CSMD3: variants seen among roughly 807,000 people sequenced by gnomAD.
CSMD3 encodes CUB and sushi domain-containing protein 3.
In CSMD3, 177 loss-of-function variants were observed where a neutral mutation model predicts 435.2. That is an observed-to-expected ratio of 0.41 (90% confidence interval 0.36 to 0.46). The LOEUF (loss-of-function observed/expected upper bound fraction) is 0.46, where lower values mean the gene tolerates loss of function less well. Ranked by LOEUF, CSMD3 falls within the 20% of genes least tolerant of loss-of-function variation. The pLI, the probability that CSMD3 is intolerant of heterozygous loss-of-function variation, is 0.34. For missense variants in CSMD3, 4,265 were observed against 4,504.6 expected (o/e 0.95, Z 1.52); for synonymous variants, 1,656 against 1,520.5 (o/e 1.09, Z -2.07).
intron 4 of CSMD3, among the ~76,000 whole-genome samples, chr8:113,131,633 A>C (rs1484306009): frequency 6.6e-6 from 1 of 152,130 alleles, no homozygotes; most frequent in Non-Finnish European, 1.5e-5. Flanking sequence ...TCCGCTAGGA[A>C]AGTGCAGAAG....
At chr8:113,335,565 G>GTTTTGTTTTT (rs1263100966) in intron 1 of CSMD3, among the ~76,000 whole-genome samples, 1 of 98,126 alleles carries the variant, frequency 1.0e-5, no homozygotes, top group African/African-American at 4.5e-5. Context: ...TTTTTTTTGG[G>GTTTTGTTTTT]TATTTACATG....
chr8:112,810,523 CTGTT>C (rs920039323), intron 12 of CSMD3, among the ~76,000 whole-genome samples: 9 of 152,008 alleles, frequency 5.9e-5, no homozygotes, highest in Admixed American at 5.9e-4. Flanking sequence ...ATTTAATTGA[CTGTT>C]ATTATAATTA....
chr8:112,541,398 A>T (rs938939717), intron 27 of CSMD3, among the ~76,000 whole-genome samples: 1 of 151,856 alleles, frequency 6.6e-6, no homozygotes, highest in Non-Finnish European at 1.5e-5. Context: ...ATGAGATAAG[A>T]CTAAAATAAA....
chr8:112,243,835 C>A (rs1346084215), intron 65 of CSMD3, among the ~76,000 whole-genome samples: 1 of 152,018 alleles, frequency 6.6e-6, no homozygotes, highest in African/African-American at 2.4e-5. Flanking sequence ...ACCCCAAATA[C>A]AAGGACTGGT....
intron 4 of CSMD3, among the ~76,000 whole-genome samples, chr8:113,126,547 T>C (rs1200100077): frequency 2.6e-5 from 4 of 151,952 alleles, no homozygotes; most frequent in Admixed American, 2.6e-4. Flanking sequence ...ATGACATTAA[T>C]AAAGGCAATT....
chr8:113,068,170 T>C (rs2088945357), intron 5 of CSMD3, among the ~76,000 whole-genome samples: 1 of 152,174 alleles, frequency 6.6e-6, no homozygotes, highest in Non-Finnish European at 1.5e-5. Flanking sequence ...GCATTTTTAG[T>C]ATAATAATCT....
At position 112,485,975 on chromosome 8, in the gene CSMD3, T is replaced by C. The variant is rs1427449852; in HGVS notation, c.5278+6514A>G. Among the ~76,000 whole-genome samples, 8 of 150,942 alleles carry C rather than the reference T, an allele frequency of 5.3e-5. No homozygotes were observed. The East Asian group carries it at 1.6e-3, about 30-fold the overall frequency. On this transcript the variant is annotated intron_variant, in intron 31 of 70. Transcript: ENST00000297405. ...TTTTTTGCATAATCCAGATCTTATA[T>C]CAGCATATGTGAAACAAAGGTATTG...
At chr8:113,273,186 C>T (rs1788643268) in intron 3 of CSMD3, among the ~76,000 whole-genome samples, 1 of 151,564 alleles carries the variant, frequency 6.6e-6, no homozygotes, top group East Asian at 1.9e-4. Flanking sequence ...AAAACATTTT[C>T]TTGATTATTG....
At chr8:112,549,058 A>G (rs1033001279) in intron 27 of CSMD3, among the ~76,000 whole-genome samples, 3 of 152,100 alleles carry the variant, frequency 2.0e-5, no homozygotes, top group African/African-American at 7.2e-5. Flanking sequence ...GTAAAGTGTA[A>G]GTTGCATTTG....
rs565768478 is a variant in CSMD3, at chr8:112,536,950, G to A, written c.4564+13721C>T. ...AACCAAACACCGCATATTCTCACTC[G>A]TAGGTGGGAATTGAACAATGAGAAC... On this transcript the variant is annotated intron_variant, in intron 27 of 70. Transcript: ENST00000297405. 2.1e-3 allele frequency among the ~76,000 whole-genome samples: 317 copies of A among 151,832 alleles called. 3 individuals carry two copies. The highest frequency in any genetic ancestry group is 1.4e-3 in the Non-Finnish European group (95 of 67,936).
chr8:112,764,286 C>T (rs1235571518), intron 13 of CSMD3, among the ~76,000 whole-genome samples: 3 of 151,228 alleles, frequency 2.0e-5, no homozygotes, highest in Non-Finnish European at 4.4e-5. Flanking sequence ...TTAAAAACTT[C>T]TTGTTTCTGA....
At chr8:112,827,164 A>AATATATATATATATATATAT (rs3047126) in intron 12 of CSMD3, among the ~76,000 whole-genome samples, 17 of 82,820 alleles carry the variant, frequency 2.1e-4, no homozygotes, top group Non-Finnish European at 3.1e-4. Flanking sequence ...GGTTACCATA[A>AATATATATATATATATATAT]ATATATATAT....
At chr8:113,131,912 C>T (rs563268212) in intron 4 of CSMD3, among the ~76,000 whole-genome samples, 1 of 152,298 alleles carries the variant, frequency 6.6e-6, no homozygotes, top group Admixed American at 6.5e-5. Context: ...TCAGGCTGGT[C>T]TCAAATTCCT....
At chr8:112,497,279 G>A (rs992616961) in intron 30 of CSMD3, among the ~76,000 whole-genome samples, 17 of 151,752 alleles carry the variant, frequency 1.1e-4, no homozygotes, top group Non-Finnish European at 1.6e-4. Flanking sequence ...GAATGAATAG[G>A]GATCTAGTCT....
intron 70 of CSMD3, among the ~76,000 whole-genome samples, chr8:112,227,817 C>T (rs575159994): frequency 4.6e-4 from 70 of 152,110 alleles, no homozygotes; most frequent in African/African-American, 1.1e-3. Context: ...CCGAGGCGGG[C>T]GGATCACGAG....
intron 4 of CSMD3, among the ~76,000 whole-genome samples, chr8:113,100,807 C>T (rs2090306574): frequency 6.6e-6 from 1 of 151,942 alleles, no homozygotes; most frequent in Admixed American, 6.6e-5. Context: ...AATCACAATC[C>T]ATCAATTAAT....
At chr8:112,485,771 T>C (rs375795263) in intron 31 of CSMD3, among the ~76,000 whole-genome samples, 3 of 152,128 alleles carry the variant, frequency 2.0e-5, no homozygotes, top group African/African-American at 7.2e-5. Flanking sequence ...TTCTCTTTAA[T>C]TAACAGGGTA....
intron 38 of CSMD3, 40 bp from the exon 39 acceptor site, chr8:112,352,574 G>A (rs1249452953): frequency 2.6e-6 from 4 of 1,539,122 alleles, no homozygotes; most frequent in Non-Finnish European, 9.0e-7. Context: ...TAACTTTCAA[G>A]TGATAAATGC....
At chr8:113,341,802 G>A (rs1002462483) in intron 1 of CSMD3, among the ~76,000 whole-genome samples, 3 of 152,114 alleles carry the variant, frequency 2.0e-5, no homozygotes, top group Middle Eastern at 3.4e-3. Flanking sequence ...TTTATCAGTC[G>A]TATTGGTCCA....
Sources: gnomAD v4.1 joint callset for allele counts (sites outside exome capture counted in the v4.1 genomes callset) on GRCh38, gnomAD v4.1.1 for gene constraint, MANE v1.5 for transcripts, NCBI Gene and HGNC (gene_info 2026-07-23, HGNC 2026-07-21) for gene names.